Variants in RAB3GAP1 observed in about 807,000 individuals in gnomAD.
RAB3GAP1 encodes the protein RAB3 GTPase activating protein catalytic subunit 1, also known as rab3 GTPase-activating protein catalytic subunit.
A neutral mutation model predicts 130.7 loss-of-function variants in RAB3GAP1; 86 were observed. The observed-to-expected ratio is 0.66, with a 90% CI of 0.55 to 0.79. RAB3GAP1 has a LOEUF of 0.79. RAB3GAP1 is among the 30% of genes least tolerant of loss of function. RAB3GAP1 has a pLI of 0.00. For synonymous variants in RAB3GAP1, 367 were observed against 401.7 expected (o/e 0.91, Z 1.03); for missense variants, 1,029 against 1,169.4 (o/e 0.88, Z 1.75).
At position 135,114,528 on chromosome 2, in the gene RAB3GAP1, C is replaced by T. The variant is rs114361082; in HGVS notation, c.483-688C>T. 3.0e-3 allele frequency among the ~76,000 whole-genome samples: 458 copies of T among 152,318 alleles called. 2 individuals are homozygous for T. The highest frequency in any genetic ancestry group is 0.01 in the African/African-American group (434 of 41,562). On this transcript the variant is annotated intron_variant, in intron 6 of 23. Transcript: ENST00000264158. ...ATGTGCTATAAAGTTGCCACAAACA[C>T]TGAGTTATCAATTCCTCATCTGTTT...
At chr2:135,078,156 A>G (rs1021170260) in intron 3 of RAB3GAP1, among the ~76,000 whole-genome samples, 1 of 152,152 alleles carries the variant, frequency 6.6e-6, no homozygotes, top group African/African-American at 2.4e-5. Context: ...TACTTCTAAG[A>G]GATTTATAGT....
In RAB3GAP1 at chr2:135,115,502, A is replaced by G. The variant is rs116372404; in HGVS notation, c.648+121A>G. Reference sequence around the variant, plus strand: ...TATTGATAATGTAATTGCTTAGAAGAAAGCTATAAGTGACTACATAAATTA... The same window carrying G: ...TATTGATAATGTAATTGCTTAGAAGGAAGCTATAAGTGACTACATAAATTA... On this transcript the variant is annotated intron_variant, in intron 7 of 23. Coordinates refer to ENST00000264158, the MANE Select transcript of RAB3GAP1 (RefSeq NM_012233.3). 9.4e-3 allele frequency: 9,633 copies of G among 1,019,518 alleles called. 73 individuals are homozygous for G. Among genetic ancestry groups the G allele is most frequent in the Middle Eastern group, 0.04 (133 of 3,320 alleles). 63.2% of individuals were successfully genotyped at this position (1,019,518 alleles called of 1,614,324 possible).
intron 23 of RAB3GAP1, among the ~76,000 whole-genome samples, 188 bp from the exon 24 acceptor site, chr2:135,168,357 C>G (rs142183216): frequency 1.5e-3 from 233 of 152,332 alleles, no homozygotes; most frequent in Admixed American, 2.7e-3. Flanking sequence ...GCTGCTCATG[C>G]AGTGTCTCAA....
Position 135,135,773 on chromosome 2 carries a change from C to T in RAB3GAP1, c.1764C>T (p.Cys588=), listed in dbSNP as rs370868041. 27 of 1,613,774 alleles carry T rather than the reference C, an allele frequency of 1.7e-5. No individual in the cohort carries two copies. The highest frequency in any genetic ancestry group is 2.1e-5 in the Non-Finnish European group (25 of 1,179,974). Residue 588 remains cysteine, a synonymous_variant, in exon 17 of 24, where the codon TGC becomes TGT. Coordinates refer to ENST00000264158, the MANE Select transcript of RAB3GAP1 (RefSeq NM_012233.3). ...ACAGCGAAGAAGAATTTTTTGAATG[C>T]CTAAGTGATACTGAAGAACTTAAAG... is the stretch of plus-strand genomic sequence containing the variant. ...WSDSEEEFFE[C]LSDTEELKGN...
intron 2 of RAB3GAP1, among the ~76,000 whole-genome samples, chr2:135,056,837 A>G (rs1689027586): frequency 6.6e-6 from 1 of 152,206 alleles, no homozygotes; most frequent in African/African-American, 2.4e-5. Flanking sequence ...TGAATCATAG[A>G]TTTATTATTA....
chr2:135,150,914 T>A (rs1692155431), intron 18 of RAB3GAP1, among the ~76,000 whole-genome samples: 1 of 152,156 alleles, frequency 6.6e-6, no homozygotes, highest in African/African-American at 2.4e-5. Flanking sequence ...GTGTTTACCC[T>A]CAGTTACAGT....
chr2:135,104,850 C>T (rs946360548), intron 5 of RAB3GAP1, among the ~76,000 whole-genome samples: 10 of 152,056 alleles, frequency 6.6e-5, no homozygotes, highest in South Asian at 2.1e-4. Context: ...GATACTGCCA[C>T]GGCACTCCAG....
chr2:135,115,163 G>A (rs1279728324), intron 6 of RAB3GAP1, 53 bp from the exon 7 acceptor site: 4 of 1,527,560 alleles, frequency 2.6e-6, no homozygotes, highest in Non-Finnish European at 2.7e-6. Context: ...TTGAGGTTCA[G>A]GTTTAATGTT....
intron 3 of RAB3GAP1, among the ~76,000 whole-genome samples, chr2:135,082,517 T>G (rs182688932): frequency 6.6e-6 from 1 of 151,940 alleles, no homozygotes; most frequent in East Asian, 1.9e-4. Flanking sequence ...CTCAGCTCAG[T>G]GCAACCTTCG....
chr2:135,071,604 A>C (rs181617655), intron 3 of RAB3GAP1, among the ~76,000 whole-genome samples: 1 of 152,214 alleles, frequency 6.6e-6, no homozygotes, highest in East Asian at 1.9e-4. Context: ...CAAGTGCAGC[A>C]CAACAGAAAA....
At chr2:135,108,258 CT>C (rs1359641293) in intron 5 of RAB3GAP1, among the ~76,000 whole-genome samples, 3 of 151,956 alleles carry the variant, frequency 2.0e-5, no homozygotes, top group Non-Finnish European at 4.4e-5. Context: ...TGAAACAGTT[CT>C]TTCATTAAGA....
intron 22 of RAB3GAP1, among the ~76,000 whole-genome samples, chr2:135,164,301 T>A (rs972905097): frequency 6.6e-6 from 1 of 152,258 alleles, no homozygotes; most frequent in Non-Finnish European, 1.5e-5. Context: ...CTGTAGCATT[T>A]TCTAAGCTTC....
At chr2:135,130,122 T>C in intron 12 of RAB3GAP1, 35 bp downstream of exon 12, 1 of 1,484,486 alleles carries the variant, frequency 6.7e-7, no homozygotes, top group Non-Finnish European at 9.4e-7. Context: ...TACTTTCAAA[T>C]GTCTTACTGT....
At chr2:135,126,747 C>T in intron 11 of RAB3GAP1, 91 bp downstream of exon 11, 1 of 1,114,122 alleles carries the variant, frequency 9.0e-7, no homozygotes, top group Non-Finnish European at 1.4e-6. Context: ...TACTTTGTCA[C>T]CTCTTCAGTT....
In RAB3GAP1 at chr2:135,115,174, T is replaced by G. The variant is rs761014043; in HGVS notation, c.483-42T>G. On this transcript the variant is annotated intron_variant, in intron 6 of 23. Coordinates refer to ENST00000264158, the MANE Select transcript of RAB3GAP1 (RefSeq NM_012233.3). ...AAATTTGAGGTTCAGGTTTAATGTTTAATGAGCTTGTATTCCATTCCTATT... is the reference window on the plus strand; with the variant it reads ...AAATTTGAGGTTCAGGTTTAATGTTGAATGAGCTTGTATTCCATTCCTATT... 3.8e-6 allele frequency: 6 copies of G among 1,560,218 alleles called. No homozygotes were observed. In the South Asian group the frequency reaches 4.5e-5, roughly 12 times the overall value.
In RAB3GAP1 at chr2:135,058,092, A is replaced by G. The variant is rs1409305826; in HGVS notation, c.150+6A>G. On this transcript the variant is annotated splice_donor_region_variant and intron_variant, in intron 3 of 23. Coordinates refer to ENST00000264158, the MANE Select transcript of RAB3GAP1 (RefSeq NM_012233.3). Reference sequence around the variant, plus strand: ...TGGGAAAGCCACTCGAAAAGGTCAGATCTATTTGCTGGTGTCTCTAAATGA... The same window carrying G: ...TGGGAAAGCCACTCGAAAAGGTCAGGTCTATTTGCTGGTGTCTCTAAATGA... 2 of 1,602,244 alleles carry G rather than the reference A, an allele frequency of 1.2e-6. No homozygotes were observed. The highest frequency in any genetic ancestry group is 4.5e-5 in the East Asian group (2 of 44,740).
In RAB3GAP1 at chr2:135,165,741, GA is replaced by G. The variant is rs531427448; in HGVS notation, c.2709+1049del. Among the ~76,000 whole-genome samples, 927 of 152,268 alleles carry G rather than the reference GA, an allele frequency of 6.1e-3. 9 individuals are homozygous for G. Among genetic ancestry groups the G allele is most frequent in the African/African-American group, 0.022 (901 of 41,556 alleles). ...TTTATTTTGTTTTTCTCTCTGGCAT[GA>G]AAACAAGAACCGAGTTTGGTTCCAC... On this transcript the variant is annotated intron_variant, in intron 23 of 23. Coordinates refer to ENST00000264158, the MANE Select transcript of RAB3GAP1 (RefSeq NM_012233.3).
At chr2:135,109,241 A>G (rs531291897) in intron 5 of RAB3GAP1, among the ~76,000 whole-genome samples, 2 of 152,078 alleles carry the variant, frequency 1.3e-5, no homozygotes, top group African/African-American at 4.8e-5. Flanking sequence ...TTGAGATTGC[A>G]TTGAATCTGT....
intron 7 of RAB3GAP1, among the ~76,000 whole-genome samples, chr2:135,117,582 G>GCTTCTTCTTCTGCTGCTTCTTCTGCTT (rs1691035854): frequency 1.7e-5 from 1 of 60,562 alleles, no homozygotes; most frequent in Non-Finnish European, 4.9e-5. Flanking sequence ...TTCTTCTTCT[G>GCTTCTTCTTCTGCTGCTTCTTCTGCTT]CTTCTTCTTC....
Sources: gnomAD v4.1 joint callset for allele counts (sites outside exome capture counted in the v4.1 genomes callset) on GRCh38, gnomAD v4.1.1 for gene constraint, MANE v1.5 for transcripts, NCBI Gene and HGNC (gene_info 2026-07-23, HGNC 2026-07-21) for gene names.